Variants in COL7A1 observed in about 807,000 individuals in gnomAD.
COL7A1 encodes collagen type VII alpha 1 chain, also known as collagen alpha-1(VII) chain.
A neutral mutation model predicts 456.2 loss-of-function variants in COL7A1; 296 were observed. That is an observed-to-expected ratio of 0.65 (90% CI 0.59 to 0.71). The LOEUF is 0.71. Ranked by LOEUF, COL7A1 falls within the 30% of genes least tolerant of loss-of-function variation. The probability of loss-of-function intolerance (pLI) is 0.00; values close to 1 mark genes in which losing one functional copy is unlikely to be tolerated. For missense variants in COL7A1, 3,441 were observed against 4,017.2 expected (o/e 0.86, Z 3.88); for synonymous variants, 1,464 against 1,525.9 (o/e 0.96, Z 0.95).
chr3:48,584,062 C>T lies in COL7A1; in HGVS notation c.4198-1G>A. 6.2e-7 allele frequency: 1 copy of T among 1,614,158 alleles called. No individual in the cohort carries two copies. The highest frequency in any genetic ancestry group is 1.6e-4 in the Middle Eastern group (1 of 6,062). On this transcript the variant is annotated splice_acceptor_variant, in intron 37 of 118. Coordinates refer to ENST00000681320, the MANE Select transcript of COL7A1 (RefSeq NM_000094.4). LOFTEE classifies it high-confidence loss of function. ...GCTCCCCACGATCGCCTTTGTCACC[C>T]TAGAAAACAGATGACGACCCCATGA...
In COL7A1 at chr3:48,581,921, T is replaced by C; in HGVS notation, c.4658A>G (p.Lys1553Arg). ...CCATACCAGGCTTACCTTTTCTCCTTTGGGTCCAGCAACAGCAGGTCCCTG... is the reference window on the plus strand; with the variant it reads ...CCATACCAGGCTTACCTTTTCTCCTCTGGGTCCAGCAACAGCAGGTCCCTG... ...AVVGPAVAGPKGEKGDVGPAG... is the reference protein window; with the variant it reads ...AVVGPAVAGPRGEKGDVGPAG... The change falls in exon 48 of 119, where the codon AAA becomes AGA. Residue 1553 changes from lysine (K) to arginine (R), a missense_variant. Physicochemically the swap from Lys to Arg is conservative, Grantham distance 26. Around this residue, in one of 3 missense-constraint regions of COL7A1, gnomAD observed 2,084 missense variants for 2,501.3 expected, o/e 0.83. Coordinates refer to ENST00000681320, the MANE Select transcript of COL7A1 (RefSeq NM_000094.4). The surrounding 1 kb of genome is among the most constrained non-coding windows in gnomAD (Gnocchi z 5.8). The C allele has an allele frequency of 6.2e-7, 1 of 1,614,066 alleles. No individual in the cohort carries two copies. The highest frequency in any genetic ancestry group is 2.2e-5 in the East Asian group (1 of 44,880).
rs2045420020 is a variant in COL7A1, at chr3:48,588,184, C to T, written c.2710+98G>A. 2.5e-6 allele frequency: 4 copies of T among 1,582,180 alleles called. No individual in the cohort carries two copies. Among genetic ancestry groups the T allele is most frequent in the African/African-American group, 2.7e-5 (2 of 74,194 alleles). On this transcript the variant is annotated intron_variant, in intron 21 of 118. Transcript: ENST00000681320. The surrounding 1 kb of genome is among the most constrained non-coding windows in gnomAD (Gnocchi z 4.6). ...CACGGATCCCGCAGACCCCCAGTGA[C>T]AGACCCCGCCCACCATCACTGTCCT...
Position 48,575,659 on chromosome 3 carries a change from C to T in COL7A1, c.5946G>A (p.Gly1982=), listed in dbSNP as rs1264042847. ...PVPERRRGPK[G]DSGEQGPPGK... Reference sequence around the variant, plus strand: ...CTGGGGGGCCCTGTTCGCCTGAGTCCCCCTTGGGGCCTCGACGCCGTTCGG... The same window carrying T: ...CTGGGGGGCCCTGTTCGCCTGAGTCTCCCTTGGGGCCTCGACGCCGTTCGG... Residue 1982 remains glycine, a synonymous_variant, in exon 73 of 119, where the codon GGG becomes GGA. Coordinates refer to ENST00000681320, the MANE Select transcript of COL7A1 (RefSeq NM_000094.4). This position sits in a 1 kb window ranked among gnomAD's most constrained non-coding sequence, Gnocchi z 6.3. The T allele has an allele frequency of 6.2e-7, 1 of 1,613,580 alleles. No individual in the cohort carries two copies. Among genetic ancestry groups the T allele is most frequent in the East Asian group, 2.2e-5 (1 of 44,888 alleles).
Position 48,590,298 on chromosome 3 carries a change from C to T in COL7A1, c.1965G>A (p.Leu655=), listed in dbSNP as rs759182880. The T allele has an allele frequency of 6.2e-7, 1 of 1,614,072 alleles. No individual in the cohort carries two copies. The part of the protein sequence containing the change: ...PDSTATDITG[L]QPGTTYQVAV... ...CCACCTGGTAGGTGGTTCCAGGCTG[C>T]AGCCCTGTGATGTCTGTGGCAGTAG... is the stretch of plus-strand genomic sequence containing the variant. The change falls in exon 16 of 119, where the codon CTG becomes CTA. Residue 655 remains leucine, a synonymous_variant. Transcript: ENST00000681320. The surrounding 1 kb of genome is among the most constrained non-coding windows in gnomAD (Gnocchi z 4.6).
Position 48,574,063 on chromosome 3 carries a change from A to C in COL7A1, c.6502-173T>G, listed in dbSNP as rs745490383. 2.1e-4 allele frequency among the ~76,000 whole-genome samples: 32 copies of C among 151,848 alleles called. No homozygotes were observed. The highest frequency in any genetic ancestry group is 4.7e-4 in the Non-Finnish European group (32 of 67,954). On this transcript the variant is annotated intron_variant, in intron 80 of 118. Transcript: ENST00000681320. The surrounding 1 kb of genome is among the most constrained non-coding windows in gnomAD (Gnocchi z 5.0). The stretch of plus-strand genomic sequence containing the variant: ...ATAGCACACACGGGCCTGCACACAC[A>C]CATCCACATACAACCACACACAGAC...
At position 48,564,837 on chromosome 3, in the gene COL7A1, G is replaced by A. The variant is rs1490392004; in HGVS notation, c.8764C>T (p.Arg2922Cys). 8 of 1,613,936 alleles carry A rather than the reference G, an allele frequency of 5.0e-6. No individual in the cohort carries two copies. The highest frequency in any genetic ancestry group is 1.1e-5 in the South Asian group (1 of 91,088). ...CGGNANRFGT[R>C]EACERRCPPR... ...GGGCAGCGGCGCTCGCAGGCCTCAC[G>A]GGTCCCAAAACGGTTGGCATTCCCT... is the stretch of plus-strand genomic sequence containing the variant. The change falls in exon 118 of 119, where the codon CGT becomes TGT. Residue 2922 changes from arginine (R) to cysteine (C), a missense_variant. Arg to Cys is a radical substitution (Grantham distance 180). Around this residue, in one of 3 missense-constraint regions of COL7A1, gnomAD observed 2,084 missense variants for 2,501.3 expected, o/e 0.83. Coordinates refer to ENST00000681320, the MANE Select transcript of COL7A1 (RefSeq NM_000094.4). The surrounding 1 kb of genome is among the most constrained non-coding windows in gnomAD (Gnocchi z 6.0).
Position 48,590,192 on chromosome 3 carries a change from G to A in COL7A1, c.2050+21C>T, listed in dbSNP as rs772285932. 4.4e-6 allele frequency: 7 copies of A among 1,609,184 alleles called. No homozygotes were observed. Among genetic ancestry groups the A allele is most frequent in the Non-Finnish European group, 5.1e-6 (6 of 1,177,218 alleles). Reference sequence around the variant, plus strand: ...AAGAGCAATGGAGGCAGAGAGCCAAGGGACGGGGGCAGGGCCTGACCCGTT... The same window carrying A: ...AAGAGCAATGGAGGCAGAGAGCCAAAGGACGGGGGCAGGGCCTGACCCGTT... On this transcript the variant is annotated intron_variant, in intron 16 of 118. Coordinates refer to ENST00000681320, the MANE Select transcript of COL7A1 (RefSeq NM_000094.4). The surrounding 1 kb of genome is among the most constrained non-coding windows in gnomAD (Gnocchi z 4.6).
At position 48,575,980 on chromosome 3, in the gene COL7A1, C is replaced by T; in HGVS notation, c.5821-78G>A. 3 of 1,606,248 alleles carry T rather than the reference C, an allele frequency of 1.9e-6. No individual in the cohort carries two copies. The highest frequency in any genetic ancestry group is 3.3e-5 in the Admixed American group (2 of 59,932). ...TCTGCCCCGCACGGCCTCAGGAAAG[C>T]ACCTTCACACCCTTTTCCCTAGGCC... On this transcript the variant is annotated intron_variant, in intron 71 of 118. Transcript: ENST00000681320. This position sits in a 1 kb window ranked among gnomAD's most constrained non-coding sequence, Gnocchi z 6.3.
At position 48,567,583 on chromosome 3, in the gene COL7A1, G is replaced by T; in HGVS notation, c.8037C>A (p.Ile2679=). The T allele has an allele frequency of 6.2e-7, 1 of 1,614,104 alleles. No homozygotes were observed. The highest frequency in any genetic ancestry group is 1.1e-5 in the South Asian group (1 of 91,086). ...TCCACAGACCCTGTACCTTGGGACC[G>T]ATCAGGCCCTCCTTGCCAGGGGCCC... ...QSGAPGKEGL[I]GPKGDRGFDG... Residue 2679 remains isoleucine, a synonymous_variant, in exon 109 of 119, where the codon ATC becomes ATA. Coordinates refer to ENST00000681320, the MANE Select transcript of COL7A1 (RefSeq NM_000094.4). This position sits in a 1 kb window ranked among gnomAD's most constrained non-coding sequence, Gnocchi z 4.3.
At position 48,588,554 on chromosome 3, in the gene COL7A1, G is replaced by C. The variant is rs2045458223; in HGVS notation, c.2587+88C>G. ...CCCCCAAAGGCTCACTACCAATCCT[G>C]GTCCTTTCTCCAATCCAGAGCACAA... On this transcript the variant is annotated intron_variant, in intron 20 of 118. Transcript: ENST00000681320. The surrounding 1 kb of genome is among the most constrained non-coding windows in gnomAD (Gnocchi z 4.6). 2 of 1,609,696 alleles carry C rather than the reference G, an allele frequency of 1.2e-6. No individual in the cohort carries two copies. Among genetic ancestry groups the C allele is most frequent in the African/African-American group, 2.7e-5 (2 of 74,820 alleles).
rs1553857986 is a variant in COL7A1, at chr3:48,579,403, C to T, written c.5273G>A (p.Gly1758Glu). ...TGCTGGGCCTCGGACACCTGGGTCC[C>T]CCTGGAGGGAACAGGGTCAGATAAG... ...EGFRGPPGPQGDPGVRGPAGE... is the reference protein window; with the variant it reads ...EGFRGPPGPQEDPGVRGPAGE... Residue 1758 changes from glycine (G) to glutamate (E), a missense_variant and splice_region_variant, in exon 61 of 119, where the codon GGG becomes GAG. Around this residue, in one of 3 missense-constraint regions of COL7A1, gnomAD observed 2,084 missense variants for 2,501.3 expected, o/e 0.83. Transcript: ENST00000681320. The surrounding 1 kb of genome is among the most constrained non-coding windows in gnomAD (Gnocchi z 4.4). 6.2e-7 allele frequency: 1 copy of T among 1,614,194 alleles called. No individual in the cohort carries two copies. Among genetic ancestry groups the T allele is most frequent in the Non-Finnish European group, 8.5e-7 (1 of 1,180,026 alleles).
In COL7A1 at chr3:48,593,199, G is replaced by A. The variant is rs2045836568; in HGVS notation, c.585C>T (p.Phe195=). ...AGATGCTGAAGTCATTGACGAAGAA[G>A]AAGAAGTCACTGGTGGGCTGTGAGG... ...RVASQPTSDF[F]FFVNDFSILR... is the part of the protein sequence containing the mutation. Residue 195 remains phenylalanine, a synonymous_variant, in exon 6 of 119, where the codon TTC becomes TTT. Coordinates refer to ENST00000681320, the MANE Select transcript of COL7A1 (RefSeq NM_000094.4). This position sits in a 1 kb window ranked among gnomAD's most constrained non-coding sequence, Gnocchi z 4.4. The A allele has an allele frequency of 6.2e-7, 1 of 1,614,142 alleles. No homozygotes were observed. Among genetic ancestry groups the A allele is most frequent in the Non-Finnish European group, 8.5e-7 (1 of 1,180,030 alleles).
rs2043628877 is a variant in COL7A1 at position 48,566,843 on chromosome 3, T to C, written c.8226+64A>G. ...AGGTTGGGGCAGGCAGGCTGGAAGATGGTTATGAGGTTGGAAGGGTAGGGA... is the reference window on the plus strand; with the variant it reads ...AGGTTGGGGCAGGCAGGCTGGAAGACGGTTATGAGGTTGGAAGGGTAGGGA... On this transcript the variant is annotated intron_variant, in intron 111 of 118. Coordinates refer to ENST00000681320, the MANE Select transcript of COL7A1 (RefSeq NM_000094.4). This position sits in a 1 kb window ranked among gnomAD's most constrained non-coding sequence, Gnocchi z 5.9. The C allele has an allele frequency of 3.2e-6, 5 of 1,578,520 alleles. No individual in the cohort carries two copies. Among genetic ancestry groups the C allele is most frequent in the East Asian group, 2.3e-5 (1 of 44,010 alleles).
In COL7A1 at chr3:48,571,342, G is replaced by A; in HGVS notation, c.7069-64C>T. The A allele has an allele frequency of 3.1e-6, 5 of 1,588,576 alleles. No homozygotes were observed. The South Asian group carries it at 5.5e-5, about 18-fold the overall frequency. ...ACATGAGCACAGAGTTCAGACACGG[G>A]CTGAAAATATTCCCAGGGGAGTTCT... On this transcript the variant is annotated intron_variant, in intron 92 of 118. Coordinates refer to ENST00000681320, the MANE Select transcript of COL7A1 (RefSeq NM_000094.4). This position sits in a 1 kb window ranked among gnomAD's most constrained non-coding sequence, Gnocchi z 4.6.
At position 48,573,196 on chromosome 3, in the gene COL7A1, G is replaced by T; in HGVS notation, c.6692C>A (p.Pro2231His). Residue 2231 changes from proline (P) to histidine (H), a missense_variant, in exon 85 of 119, where the codon CCC (proline) becomes CAC (histidine). By Grantham distance (77) the Pro-to-His change is moderately conservative (BLOSUM62 -2). Coordinates refer to ENST00000681320, the MANE Select transcript of COL7A1 (RefSeq NM_000094.4). The surrounding 1 kb of genome is among the most constrained non-coding windows in gnomAD (Gnocchi z 5.5). ...CACCACAAGGCCTGAAGGGCCGGGG[G>T]GTCCAGGAAGTCCCACAGCTCCAGT... ...GPTGAVGLPG[P>H]PGPSGLVGPQ... 2 of 1,614,116 alleles carry T rather than the reference G, an allele frequency of 1.2e-6. No homozygotes were observed. Among genetic ancestry groups the T allele is most frequent in the Non-Finnish European group, 1.7e-6 (2 of 1,180,014 alleles).
At position 48,566,383 on chromosome 3, in the gene COL7A1, T is replaced by C. The variant is rs1180192478; in HGVS notation, c.8359-68A>G. Reference sequence around the variant, plus strand: ...CACAGGAAGGACATAGGGCACATAATACAGGGACTATGGTGAGACTGCATG... The same window carrying C: ...CACAGGAAGGACATAGGGCACATAACACAGGGACTATGGTGAGACTGCATG... On this transcript the variant is annotated intron_variant, in intron 113 of 118. Coordinates refer to ENST00000681320, the MANE Select transcript of COL7A1 (RefSeq NM_000094.4). The surrounding 1 kb of genome is among the most constrained non-coding windows in gnomAD (Gnocchi z 5.9). The C allele has an allele frequency of 1.9e-6, 3 of 1,603,810 alleles. No homozygotes were observed. The highest frequency in any genetic ancestry group is 1.7e-6 in the Non-Finnish European group (2 of 1,173,136).
At position 48,570,749 on chromosome 3, in the gene COL7A1, T is replaced by G; in HGVS notation, c.7273-39A>C. On this transcript the variant is annotated intron_variant, in intron 95 of 118. Transcript: ENST00000681320. The surrounding 1 kb of genome is among the most constrained non-coding windows in gnomAD (Gnocchi z 5.5). The stretch of plus-strand genomic sequence containing the variant: ...GGGGCAAGAGAGGCAGAGAGTGACT[T>G]GGGAACCCTCCTACCCTCTGCCCCC... 6.4e-7 allele frequency: 1 copy of G among 1,559,216 alleles called. No individual in the cohort carries two copies. The highest frequency in any genetic ancestry group is 8.7e-7 in the Non-Finnish European group (1 of 1,150,902).
Position 48,587,419 on chromosome 3 carries a change from C to T in COL7A1, c.2992+1G>A. The stretch of plus-strand genomic sequence containing the variant: ...CACCCAAATCCTGGCCTCCCCCTCA[C>T]CCTGGCCAGGGCCTCTGAGTGGCCG... On this transcript the variant is annotated splice_donor_variant, in intron 23 of 118. Transcript: ENST00000681320. LOFTEE classifies it high-confidence loss of function. This position sits in a 1 kb window ranked among gnomAD's most constrained non-coding sequence, Gnocchi z 6.1. The T allele has an allele frequency of 6.2e-7, 1 of 1,613,258 alleles. No individual in the cohort carries two copies. The highest frequency in any genetic ancestry group is 1.3e-5 in the African/African-American group (1 of 75,060).
Position 48,567,906 on chromosome 3 carries a change from C to T in COL7A1, c.7876-15G>A. The T allele has an allele frequency of 6.2e-7, 1 of 1,614,106 alleles. No homozygotes were observed. ...CCCCGTTCACCCTGAGGGAGAAAAGCAGATGAAGAAGTGATTCCCAGACAC... is the reference window on the plus strand; with the variant it reads ...CCCCGTTCACCCTGAGGGAGAAAAGTAGATGAAGAAGTGATTCCCAGACAC... On this transcript the variant is annotated splice_polypyrimidine_tract_variant and intron_variant, in intron 106 of 118. Transcript: ENST00000681320. The surrounding 1 kb of genome is among the most constrained non-coding windows in gnomAD (Gnocchi z 4.3).
Sources: gnomAD v4.1 joint callset for allele counts (sites outside exome capture counted in the v4.1 genomes callset) on GRCh38, gnomAD v4.1.1 for gene constraint, gnomAD v4.1.1 regional missense constraint, Gnocchi (gnomAD v3.1) non-coding constraint, MANE v1.5 for transcripts, NCBI Gene and HGNC (gene_info 2026-07-23, HGNC 2026-07-21) for gene names.